JAKMIP3: variants seen among roughly 807,000 people sequenced by gnomAD.
JAKMIP3 encodes the protein janus kinase and microtubule-interacting protein 3.
A neutral mutation model predicts 118.5 loss-of-function variants in JAKMIP3; 58 were observed. That is an observed-to-expected ratio of 0.49 (90% CI 0.40 to 0.61). The LOEUF (loss-of-function observed/expected upper bound fraction) is 0.61. Ranked by LOEUF, JAKMIP3 falls within the 20% of genes least tolerant of loss-of-function variation. The probability of loss-of-function intolerance (pLI) is 0.00; values close to 1 mark genes in which losing one functional copy is unlikely to be tolerated. For missense variants in JAKMIP3, 950 were observed against 1,109.0 expected, an observed-to-expected ratio of 0.86 and a Z score of 2.04; for synonymous variants, 486 against 451.2, an observed-to-expected ratio of 1.08 and a Z score of -0.98.
Position 132,180,706 on chromosome 10 carries a change from TGC to T in JAKMIP3, c.*1104-1647_*1104-1646del, listed in dbSNP as rs1296789765. On this transcript the variant is annotated intron_variant, in intron 23 of 23. Coordinates refer to ENST00000684848, the MANE Select transcript of JAKMIP3 (RefSeq NM_001323087.2). ...GCGTGTGTGTGCGTGCGTGTGTGTGTGCGCGTGTGTGTGCGTGTGTGTGCGTG... is the reference window on the plus strand; with the variant it reads ...GCGTGTGTGTGCGTGCGTGTGTGTGTGCGTGTGTGTGCGTGTGTGTGCGTG... Among the ~76,000 whole-genome samples, 162 of 25,898 alleles carry T rather than the reference TGC, an allele frequency of 6.3e-3. 20 individuals are homozygous for T. Among genetic ancestry groups the T allele is most frequent in the African/African-American group, 0.02 (86 of 4,410 alleles). The allele number at this position is 25,898 out of a possible 152,430, so 17.0% of individuals were successfully genotyped here. A position where few individuals can be genotyped will look rare whatever the true frequency, so the allele number is the denominator to read the frequency against.
chr10:132,153,689 C>T (rs1454060142), intron 17 of JAKMIP3, 70 bp from the exon 18 acceptor site: 21 of 1,476,344 alleles, frequency 1.4e-5, no homozygotes, highest in Middle Eastern at 1.8e-4. Flanking sequence ...GGCTTTTCTC[C>T]CAGCTGTCTC....
chr10:132,121,902 G>A (rs1409903549), intron 3 of JAKMIP3, among the ~76,000 whole-genome samples: 1 of 152,084 alleles, frequency 6.6e-6, no homozygotes, highest in Non-Finnish European at 1.5e-5. Flanking sequence ...GGAGGGGGAG[G>A]GTCTGAGGGA....
intron 23 of JAKMIP3, among the ~76,000 whole-genome samples, chr10:132,176,126 G>GC (rs1253878914): frequency 6.6e-6 from 1 of 152,182 alleles, no homozygotes; most frequent in Non-Finnish European, 1.5e-5. Context: ...TGCAGGATCT[G>GC]CCCCCCAGCA....
chr10:132,062,658 C>T (rs2038435677), upstream of JAKMIP3, among the ~76,000 whole-genome samples: 2 of 152,332 alleles, frequency 1.3e-5, no homozygotes, highest in South Asian at 4.1e-4. Context: ...ACACAAAAAG[C>T]AATGATGACG....
At chr10:132,123,014 C>T (rs375401490) in intron 3 of JAKMIP3, among the ~76,000 whole-genome samples, 181 of 152,278 alleles carry the variant, frequency 1.2e-3, no homozygotes, top group African/African-American at 4.1e-3. Context: ...CCTGGAGCCT[C>T]GGAAGGCTCC....
intron 1 of JAKMIP3, among the ~76,000 whole-genome samples, chr10:132,043,464 C>G (rs1564848596): frequency 1.3e-5 from 2 of 152,178 alleles, no homozygotes; most frequent in Admixed American, 1.3e-4. Flanking sequence ...CTGGGCTTTT[C>G]TAGGTTGAAG....
At chr10:132,127,986 G>A (rs1187042672) in intron 3 of JAKMIP3, among the ~76,000 whole-genome samples, 1 of 152,090 alleles carries the variant, frequency 6.6e-6, no homozygotes, top group Non-Finnish European at 1.5e-5. Flanking sequence ...AATGGCTTTT[G>A]CTGTTCCCAT....
intron 1 of JAKMIP3, among the ~76,000 whole-genome samples, chr10:132,083,407 C>A (rs2042017152): frequency 2.0e-5 from 3 of 151,990 alleles, no homozygotes; most frequent in African/African-American, 7.2e-5. Flanking sequence ...TTTGTTTGAG[C>A]TCATTGTAGA....
intron 2 of JAKMIP3, among the ~76,000 whole-genome samples, chr10:132,116,211 C>T (rs1278387163): frequency 6.6e-6 from 1 of 152,238 alleles, no homozygotes; most frequent in African/African-American, 2.4e-5. Flanking sequence ...CTGATAAAAC[C>T]TTTCAGCGCG....
intron 1 of JAKMIP3, among the ~76,000 whole-genome samples, chr10:132,050,768 TTGAC>T (rs1590005194): frequency 6.6e-6 from 1 of 152,232 alleles, no homozygotes; most frequent in Non-Finnish European, 1.5e-5. Context: ...GGTGTGCATT[TTGAC>T]TGATAAGAAA....
intron 1 of JAKMIP3, among the ~76,000 whole-genome samples, chr10:132,058,148 C>T (rs2038295445): frequency 6.6e-6 from 1 of 152,198 alleles, no homozygotes; most frequent in Admixed American, 6.5e-5. Context: ...CCTATGGGAA[C>T]AAGGCTGAGG....
intron 1 of JAKMIP3, among the ~76,000 whole-genome samples, chr10:132,068,386 A>G (rs912877449): frequency 2.0e-5 from 3 of 152,152 alleles, no homozygotes; most frequent in Non-Finnish European, 4.4e-5. Context: ...GGCCCTCTTT[A>G]GTACGGGGAT....
chr10:132,103,322 C>T (rs1589816934), intron 1 of JAKMIP3, among the ~76,000 whole-genome samples: 1 of 90,656 alleles, frequency 1.1e-5, no homozygotes, highest in Admixed American at 8.9e-5. Flanking sequence ...GAGCATCTGA[C>T]ATAGGAGCTG....
At chr10:132,090,800 G>A (rs1487040611) in intron 1 of JAKMIP3, among the ~76,000 whole-genome samples, 2 of 151,904 alleles carry the variant, frequency 1.3e-5, no homozygotes, top group South Asian at 4.2e-4. Flanking sequence ...TGATGTTAGG[G>A]TGGCAATTTT....
chr10:132,047,871 C>CCCCG (rs1399700354), intron 1 of JAKMIP3, among the ~76,000 whole-genome samples: 1 of 46,156 alleles, frequency 2.2e-5, no homozygotes, highest in East Asian at 0.038. Flanking sequence ...TGTTCCCCAC[C>CCCCG]CCCCGCCCCG....
intron 2 of JAKMIP3, among the ~76,000 whole-genome samples, chr10:132,105,511 G>GGCTGTGCTGA (rs1239728031): frequency 6.6e-6 from 1 of 151,354 alleles, no homozygotes; most frequent in African/African-American, 2.4e-5. Context: ...GGAAAGATTG[G>GGCTGTGCTGA]GCTGTGCTGA....
intron 1 of JAKMIP3, among the ~76,000 whole-genome samples, chr10:132,050,238 G>A (rs2038059480): frequency 6.6e-6 from 1 of 152,132 alleles, no homozygotes; most frequent in South Asian, 2.1e-4. Context: ...CCATTTCCTG[G>A]CCCTCAGATC....
chr10:132,164,749 A>G lies in JAKMIP3; in HGVS notation c.2490+14A>G, dbSNP rs1347473974. 6.3e-7 allele frequency: 1 copy of G among 1,582,284 alleles called. No individual in the cohort carries two copies. Among genetic ancestry groups the G allele is most frequent in the South Asian group, 1.1e-5 (1 of 90,444 alleles). On this transcript the variant is annotated intron_variant, in intron 21 of 23. Coordinates refer to ENST00000684848, the MANE Select transcript of JAKMIP3 (RefSeq NM_001323087.2). The stretch of plus-strand genomic sequence containing the variant: ...CTGGAGGAAAAGGTAAAACAAATGC[A>G]GTTTTGGGGGTTGCTTGTTAAGATC...
chr10:132,172,243 G>T (rs1047188402), intron 23 of JAKMIP3, among the ~76,000 whole-genome samples: 1 of 152,160 alleles, frequency 6.6e-6, no homozygotes, highest in African/African-American at 2.4e-5. Context: ...CATCTGGGGG[G>T]CATGCCCCAG....
Sources: allele counts gnomAD v4.1 joint callset (sites outside exome capture counted in the v4.1 genomes callset), GRCh38; gene constraint gnomAD v4.1.1; transcripts MANE v1.5; gene names NCBI Gene and HGNC (gene_info 2026-07-23, HGNC 2026-07-21).